The following ANKRD22 variants were observed in gnomAD, a reference collection of about 807,000 sequenced individuals.
The protein encoded by ANKRD22 is ankyrin repeat domain 22, also known as ankyrin repeat domain-containing protein 22.
A neutral mutation model predicts 25.7 loss-of-function variants in ANKRD22; 24 were observed. That is an observed-to-expected ratio of 0.93 (90% CI 0.68 to 1.31). The LOEUF (loss-of-function observed/expected upper bound fraction) is 1.31, where lower values mean the gene tolerates loss of function less well. Among genes scored for constraint, ANKRD22 ranks in the 50% most tolerant of loss-of-function variants. The pLI is 0.00. For synonymous variants in ANKRD22, 84 were observed against 84.3 expected, an observed-to-expected ratio of 1.00 and a Z score of 0.02; for missense variants, 214 against 227.1, an observed-to-expected ratio of 0.94 and a Z score of 0.37.
Position 88,832,024 on chromosome 10 carries a change from G to C in ANKRD22, c.24C>G (p.Pro8=). Residue 8 remains proline (P), a splice_region_variant and synonymous_variant, in exon 2 of 6, where the codon CCC becomes CCG. Coordinates refer to ENST00000371930, the MANE Select transcript of ANKRD22 (RefSeq NM_144590.3). ...CATTCTGATAGGCTGCTTGGCAGATGGGCTGGGTCGGGAAAAACAAAAGCA... is the reference window on the plus strand; with the variant it reads ...CATTCTGATAGGCTGCTTGGCAGATCGGCTGGGTCGGGAAAAACAAAAGCA... The part of the protein sequence containing the change: MGILYSE[P]ICQAAYQNDF... The C allele has an allele frequency of 6.3e-7, 1 of 1,590,340 alleles. No homozygotes were observed. Among genetic ancestry groups the C allele is most frequent in the Non-Finnish European group, 8.5e-7 (1 of 1,171,074 alleles).
Position 88,831,821 on chromosome 10 carries a change from T to C in ANKRD22, c.213+14A>G, listed in dbSNP as rs779624995. 5 of 1,593,652 alleles carry C rather than the reference T, an allele frequency of 3.1e-6. No individual in the cohort carries two copies. The African/African-American group carries it at 5.4e-5, about 17-fold the overall frequency. ...CATGAACAATTACACTCTCCATTCA[T>C]GTCATGACCTCACCTGGTTTTTGAG... On this transcript the variant is annotated intron_variant, in intron 2 of 5. Transcript: ENST00000371930.
At chr10:88,844,700 G>C (rs1036558541) in intron 1 of ANKRD22, among the ~76,000 whole-genome samples, 2 of 120,334 alleles carry the variant, frequency 1.7e-5, no homozygotes, top group Admixed American at 1.5e-4. Context: ...AGATAATCTA[G>C]ATTTCCTTTA....
intron 3 of ANKRD22, among the ~76,000 whole-genome samples, chr10:88,827,147 A>G (rs1408343019): frequency 2.0e-5 from 3 of 152,124 alleles, no homozygotes; most frequent in Non-Finnish European, 4.4e-5. Context: ...GGGAAGCTCC[A>G]TCCAGTTCTC....
intron 1 of ANKRD22, among the ~76,000 whole-genome samples, chr10:88,836,100 A>C (rs994194354): frequency 2.0e-5 from 3 of 152,150 alleles, no homozygotes; most frequent in Non-Finnish European, 4.4e-5. Context: ...TCTCACCAAG[A>C]CTATTGCACA....
intron 1 of ANKRD22, among the ~76,000 whole-genome samples, chr10:88,833,904 A>G (rs976667812): frequency 6.6e-6 from 1 of 152,190 alleles, no homozygotes; most frequent in African/African-American, 2.4e-5. Context: ...TGTCAGAAAA[A>G]CAGGATGTAA....
At chr10:88,825,007 T>TCACA (rs568461484) in intron 4 of ANKRD22, among the ~76,000 whole-genome samples, 11,239 of 114,734 alleles carry the variant, frequency 0.098, 488 homozygotes, top group East Asian at 0.17. Flanking sequence ...TCTCTCTCTC[T>TCACA]CTCTCACACA....
At chr10:88,847,876 G>T (rs80119468) in intron 1 of ANKRD22, among the ~76,000 whole-genome samples, 4,331 of 152,050 alleles carry the variant, frequency 0.028, 79 homozygotes, top group Non-Finnish European at 0.041. Flanking sequence ...ATCCTGCACA[G>T]GTGCCATTTT....
chr10:88,825,335 A>C (rs753455478), intron 4 of ANKRD22, among the ~76,000 whole-genome samples: 51 of 152,386 alleles, frequency 3.3e-4, no homozygotes, highest in South Asian at 2.3e-3. Flanking sequence ...TTGAGAAAGA[A>C]AGATGAGTGC....
At chr10:88,850,336 A>G (rs1286974553) in intron 1 of ANKRD22, among the ~76,000 whole-genome samples, 1 of 152,000 alleles carries the variant, frequency 6.6e-6, no homozygotes, top group East Asian at 1.9e-4. Flanking sequence ...ACCAAAATGC[A>G]GAATCTTAGG....
chr10:88,820,410 A>T lies in ANKRD22; in HGVS notation c.*2531T>A, dbSNP rs771145124. ...CACGTGGATTTCATCTGGGGTTTGG[A>T]TGCTCCTCACCGTATGTACAATGAA... On this transcript the variant is annotated 3_prime_UTR_variant, in exon 6 of 6. Coordinates refer to ENST00000371930, the MANE Select transcript of ANKRD22 (RefSeq NM_144590.3). The T allele has an allele frequency of 6.4e-7, 1 of 1,552,194 alleles. No homozygotes were observed. Among genetic ancestry groups the T allele is most frequent in the Non-Finnish European group, 8.7e-7 (1 of 1,147,070 alleles).
At position 88,821,078 on chromosome 10, in the gene ANKRD22, G is replaced by T. The variant is rs1843788208; in HGVS notation, c.*1863C>A. ...CATCTCAGGGAAGAAAATTTTATAG[G>T]ATGTTTATGAGTTCTCCAATAAATG... On this transcript the variant is annotated 3_prime_UTR_variant, in exon 6 of 6. Transcript: ENST00000371930. Among the ~76,000 whole-genome samples the T allele has an allele frequency of 6.6e-6, 1 of 152,182 alleles. No homozygotes were observed. Among genetic ancestry groups the T allele is most frequent in the African/African-American group, 2.4e-5 (1 of 41,444 alleles).
chr10:88,828,776 T>A, intron 2 of ANKRD22, 110 bp from the exon 3 acceptor site: 1 of 743,630 alleles, frequency 1.3e-6, no homozygotes, highest in Non-Finnish European at 2.2e-6. Context: ...CCGGTACCCA[T>A]GGCATCTTTT....
Position 88,841,894 on chromosome 10 carries a change from C to CA in ANKRD22, c.21+9692dup, listed in dbSNP as rs1844006534. ...AAAAGCCTTCTCCTTGCATTCCCTC[C>CA]AAAAAGCCTGCAAACCACAGCTGTC... On this transcript the variant is annotated intron_variant, in intron 1 of 5. Coordinates refer to ENST00000371930, the MANE Select transcript of ANKRD22 (RefSeq NM_144590.3). 2.0e-5 allele frequency among the ~76,000 whole-genome samples: 3 copies of CA among 152,114 alleles called. No individual in the cohort carries two copies. In the South Asian group the frequency reaches 6.2e-4, roughly 32 times the overall value.
intron 4 of ANKRD22, among the ~76,000 whole-genome samples, chr10:88,824,674 G>A (rs79297663): frequency 6.6e-6 from 1 of 152,118 alleles, no homozygotes; most frequent in Non-Finnish European, 1.5e-5. Flanking sequence ...GGGACTACAG[G>A]CTAGTGTCAC....
At chr10:88,844,851 C>T (rs1844033951) in intron 1 of ANKRD22, among the ~76,000 whole-genome samples, 1 of 152,024 alleles carries the variant, frequency 6.6e-6, no homozygotes, top group Non-Finnish European at 1.5e-5. Flanking sequence ...AATAAAATGA[C>T]TTATTTTTCC....
chr10:88,840,141 C>G (rs1169333479), intron 1 of ANKRD22, among the ~76,000 whole-genome samples: 1 of 152,120 alleles, frequency 6.6e-6, no homozygotes, highest in Non-Finnish European at 1.5e-5. Flanking sequence ...CTTTTGCCTT[C>G]CCACATGTTT....
chr10:88,844,833 C>T (rs928247685), intron 1 of ANKRD22, among the ~76,000 whole-genome samples: 2 of 152,016 alleles, frequency 1.3e-5, no homozygotes, highest in African/African-American at 2.4e-5. Context: ...TTGTAGAAGG[C>T]ATATACAAAT....
intron 4 of ANKRD22, chr10:88,823,594 G>A: frequency 4.6e-6 from 2 of 437,322 alleles, no homozygotes; most frequent in Non-Finnish European, 8.4e-6. Context: ...TTGGGAGGCC[G>A]AGGCGGGCGG....
intron 1 of ANKRD22, 138 bp downstream of exon 1, chr10:88,851,449 A>AT: frequency 1.2e-6 from 1 of 846,722 alleles, no homozygotes; most frequent in East Asian, 2.6e-5. Flanking sequence ...ATAGGACTTT[A>AT]TTTTTTCTGA....
Sources: gnomAD v4.1 joint callset for allele counts (sites outside exome capture counted in the v4.1 genomes callset) on GRCh38, gnomAD v4.1.1 for gene constraint, MANE v1.5 for transcripts, NCBI Gene and HGNC (gene_info 2026-07-23, HGNC 2026-07-21) for gene names.